MBOAT7: variants seen among roughly 807,000 people sequenced by gnomAD.
MBOAT7 encodes membrane-bound acylglycerophosphatidylinositol O-acyltransferase MBOAT7.
MBOAT7 carries 40 observed loss-of-function variants against 47.4 expected under a neutral mutation model. The ratio of observed to expected loss-of-function variants is 0.84; its 90% CI spans 0.66 to 1.10. MBOAT7 has a LOEUF of 1.10. MBOAT7 is among the 50% of genes least tolerant of loss of function. The pLI, the probability that MBOAT7 is intolerant of heterozygous loss-of-function variation, is 0.00. For synonymous variants in MBOAT7, 361 were observed against 292.0 expected, an observed-to-expected ratio of 1.24 and a Z score of -2.41; for missense variants, 680 against 655.6, an observed-to-expected ratio of 1.04 and a Z score of -0.41.
chr19:54,175,898 T>C (rs536096401), intron 7 of MBOAT7, among the ~76,000 whole-genome samples: 1 of 152,320 alleles, frequency 6.6e-6, no homozygotes, highest in South Asian at 2.1e-4. Context: ...CTAATTTTTG[T>C]ATTTCTGGTA....
chr19:54,178,367 G>C (rs990870128), intron 7 of MBOAT7: 1 of 1,125,968 alleles, frequency 8.9e-7, no homozygotes, highest in African/African-American at 1.6e-5. Flanking sequence ...ATCACATTTA[G>C]TCCTTCTATC....
At position 54,180,552 on chromosome 19, in the gene MBOAT7, G is replaced by C. The variant is rs1017918903; in HGVS notation, c.854+221C>G. 1.8e-5 allele frequency: 10 copies of C among 544,970 alleles called. No homozygotes were observed. Among genetic ancestry groups the C allele is most frequent in the Non-Finnish European group, 3.2e-5 (10 of 312,318 alleles). The allele number at this position is 544,970 out of a possible 1,614,324, so 33.8% of individuals were successfully genotyped here. On this transcript the variant is annotated intron_variant, in intron 6 of 7. Transcript: ENST00000245615. The surrounding 1 kb of genome is among the most constrained non-coding windows in gnomAD (Gnocchi z 5.2). ...GACAGGGGGCAGTTCACCACACTGC[G>C]GGGTGACAAGCGCTAGCAACAAGGG...
intron 7 of MBOAT7, among the ~76,000 whole-genome samples, chr19:54,175,222 C>G (rs1332222997): frequency 6.6e-6 from 1 of 152,156 alleles, no homozygotes; most frequent in Non-Finnish European, 1.5e-5. Context: ...TCGTGATCTG[C>G]CCGCCTTGGC....
intron 5 of MBOAT7, among the ~76,000 whole-genome samples, chr19:54,182,227 G>A (rs2076307026): frequency 6.6e-6 from 1 of 151,772 alleles, no homozygotes; most frequent in Non-Finnish European, 1.5e-5. Context: ...GGTCAATGTA[G>A]CATGGGAAGA....
In MBOAT7 at chr19:54,188,258, G is replaced by C. The variant is rs2076511530; in HGVS notation, c.165C>G (p.Val55=). 2.5e-6 allele frequency: 4 copies of C among 1,613,936 alleles called. No individual in the cohort carries two copies. Among genetic ancestry groups the C allele is most frequent in the Non-Finnish European group, 3.4e-6 (4 of 1,179,946 alleles). Reference sequence around the variant, plus strand: ...TGAGGGCCCAGGTCCCGAGGATGGTGACCAGAGAATGCAAAGTGTGGGGGC... The same window carrying C: ...TGAGGGCCCAGGTCCCGAGGATGGTCACCAGAGAATGCAAAGTGTGGGGGC... ...TCGPHTLHSL[V]TILGTWALIQ... The change falls in exon 3 of 8, where the codon GTC becomes GTG. Residue 55 remains valine (V), a synonymous_variant. Transcript: ENST00000245615.
chr19:54,177,581 C>T (rs1172700202), intron 7 of MBOAT7, among the ~76,000 whole-genome samples: 1 of 151,822 alleles, frequency 6.6e-6, no homozygotes, highest in Non-Finnish European at 1.5e-5. Flanking sequence ...AGGCATGAGC[C>T]ACCGTGCCCG....
intron 4 of MBOAT7, among the ~76,000 whole-genome samples, chr19:54,184,954 A>G (rs2076391750): frequency 6.6e-6 from 1 of 150,798 alleles, no homozygotes; most frequent in African/African-American, 2.4e-5. Flanking sequence ...TCACACCTAT[A>G]ACACTAGCAC....
intron 7 of MBOAT7, among the ~76,000 whole-genome samples, chr19:54,176,145 G>A (rs2076102248): frequency 2.6e-5 from 4 of 152,074 alleles, no homozygotes; most frequent in South Asian, 4.2e-4. Flanking sequence ...CTGAGCCACC[G>A]CGCCCAGCCT....
chr19:54,177,915 T>G (rs1242325520), intron 7 of MBOAT7, among the ~76,000 whole-genome samples: 15 of 122,096 alleles, frequency 1.2e-4, no homozygotes, highest in African/African-American at 3.5e-4. Flanking sequence ...TTTTTTTTTT[T>G]TTTTTTTTTT....
At chr19:54,185,559 C>T (rs1167060077) in intron 4 of MBOAT7, among the ~76,000 whole-genome samples, 1 of 152,226 alleles carries the variant, frequency 6.6e-6, no homozygotes, top group African/African-American at 2.4e-5. Flanking sequence ...CCACAGCCAG[C>T]CAACGGCCTG....
rs185682596 is a variant in MBOAT7, at chr19:54,180,974, C to A, written c.653G>T (p.Arg218Leu). 2 of 1,571,304 alleles carry A rather than the reference C, an allele frequency of 1.3e-6. No individual in the cohort carries two copies. Among genetic ancestry groups the A allele is most frequent in the Non-Finnish European group, 1.7e-6 (2 of 1,159,606 alleles). ...CGGGCGGGCGTAGAAGGCGTCCTCG[C>A]GCACGGCCTCCAGCGGGAAGAGGTG... Reference protein sequence around the residue: ...SSHLFPLEAVREDAFYARPLP... With the variant: ...SSHLFPLEAVLEDAFYARPLP... The change falls in exon 6 of 8, where the codon CGC becomes CTC. Residue 218 changes from arginine (R) to leucine (L), a missense_variant. Transcript: ENST00000245615. This position sits in a 1 kb window ranked among gnomAD's most constrained non-coding sequence, Gnocchi z 5.2.
chr19:54,175,199 C>G (rs559560860), intron 7 of MBOAT7, among the ~76,000 whole-genome samples: 3 of 152,104 alleles, frequency 2.0e-5, no homozygotes, highest in East Asian at 1.9e-4. Context: ...AGGATGGTCT[C>G]GATCTCCTGA....
chr19:54,174,211 A>C lies in MBOAT7; in HGVS notation c.1252T>G (p.Ser418Ala), dbSNP rs754115048. 5 of 1,598,606 alleles carry C rather than the reference A, an allele frequency of 3.1e-6. No individual in the cohort carries two copies. In the South Asian group the frequency reaches 4.4e-5, roughly 14 times the overall value. The change falls in exon 8 of 8, where the codon TCC becomes GCC. Residue 418 changes from serine (S) to alanine (A), a missense_variant. Ser to Ala is a moderately conservative substitution (Grantham distance 99, BLOSUM62 1). Coordinates refer to ENST00000245615, the MANE Select transcript of MBOAT7 (RefSeq NM_024298.5). ...CAGTACCGAAGGGTGTCGGCCAAGG[A>C]GAGCAGCACGAAGCCCATGCACATG... ...DYMCMGFVLL[S>A]LADTLRYWAS...
Position 54,174,130 on chromosome 19 carries a change from G to C in MBOAT7, c.1333C>G (p.Leu445Val), listed in dbSNP as rs758215036. ...FLALAALGLG[L>V]ALGGGSPSRR... ...CTGGGGCTGCCCCCACCTAAAGCCAGCCCCAGCCCCAGGGCTGCCAGGGCC... is the reference window on the plus strand; with the variant it reads ...CTGGGGCTGCCCCCACCTAAAGCCACCCCCAGCCCCAGGGCTGCCAGGGCC... The change falls in exon 8 of 8, where the codon CTG (leucine) becomes GTG (valine). Residue 445 changes from leucine (L) to valine (V), a missense_variant. Transcript: ENST00000245615. 18 of 1,600,458 alleles carry C rather than the reference G, an allele frequency of 1.1e-5. No homozygotes were observed. In the East Asian group the frequency reaches 4.1e-4, roughly 36 times the overall value.
At chr19:54,185,519 TGC>T (rs1466789709) in intron 4 of MBOAT7, among the ~76,000 whole-genome samples, 2 of 152,084 alleles carry the variant, frequency 1.3e-5, no homozygotes, top group African/African-American at 4.8e-5. Flanking sequence ...TCATCCTAAA[TGC>T]GCGTTTCCTG....
intron 7 of MBOAT7, 65 bp from the exon 8 acceptor site, chr19:54,174,496 C>G: frequency 7.0e-7 from 1 of 1,430,598 alleles, no homozygotes; most frequent in South Asian, 1.4e-5. Context: ...GCCCCCAGAT[C>G]CAGGAGTCCA....
Position 54,178,748 on chromosome 19 carries a change from T to A in MBOAT7, c.1031+17A>T, listed in dbSNP as rs1034934225. On this transcript the variant is annotated intron_variant, in intron 7 of 7. Coordinates refer to ENST00000245615, the MANE Select transcript of MBOAT7 (RefSeq NM_024298.5). ...GTAGTTCTGCAGTGTCACCTGAGAC[T>A]GGGCGGGCTCACTCACCGCAGGACA... The A allele has an allele frequency of 1.2e-6, 2 of 1,611,776 alleles. No individual in the cohort carries two copies. Among genetic ancestry groups the A allele is most frequent in the Non-Finnish European group, 1.7e-6 (2 of 1,178,830 alleles).
At chr19:54,179,504 T>C (rs1403897619) in intron 6 of MBOAT7, 2 of 155,698 alleles carry the variant, frequency 1.3e-5, no homozygotes, top group Non-Finnish European at 1.4e-5. Context: ...GCAGTGATTA[T>C]TGGAGAAGTG....
chr19:54,179,190 G>T, intron 6 of MBOAT7: 1 of 574,512 alleles, frequency 1.7e-6, no homozygotes, highest in Non-Finnish European at 3.1e-6. Context: ...TACCTAATGG[G>T]GCCCGCCACA....
Sources: gnomAD v4.1 joint callset for allele counts (sites outside exome capture counted in the v4.1 genomes callset) on GRCh38, gnomAD v4.1.1 for gene constraint, Gnocchi (gnomAD v3.1) non-coding constraint, MANE v1.5 for transcripts, NCBI Gene and HGNC (gene_info 2026-07-23, HGNC 2026-07-21) for gene names.